Variants in RIPK2 observed in about 807,000 individuals in gnomAD.
The protein encoded by RIPK2 is receptor-interacting serine/threonine-protein kinase 2.
A neutral mutation model predicts 60.9 loss-of-function variants in RIPK2; 38 were observed. The ratio of observed to expected loss-of-function variants is 0.62; its 90% CI spans 0.48 to 0.82. RIPK2 has a LOEUF of 0.82. RIPK2 is among the 40% of genes least tolerant of loss of function. The pLI, the probability that RIPK2 is intolerant of heterozygous loss-of-function variation, is 0.00. For synonymous variants in RIPK2, 225 were observed against 223.4 expected (o/e 1.01, Z -0.06); for missense variants, 518 against 647.0 (o/e 0.80, Z 2.16).
chr8:89,764,654 A>G (rs1013039190), intron 2 of RIPK2, among the ~76,000 whole-genome samples: 1 of 152,152 alleles, frequency 6.6e-6, no homozygotes, highest in African/African-American at 2.4e-5. Context: ...AGTACTATGA[A>G]AAATAAAATG....
At position 89,789,329 on chromosome 8, in the gene RIPK2, C is replaced by G. The variant is rs1809636913; in HGVS notation, c.1132C>G (p.Gln378Glu). 2 of 1,613,348 alleles carry G rather than the reference C, an allele frequency of 1.2e-6. No individual in the cohort carries two copies. Among genetic ancestry groups the G allele is most frequent in the Admixed American group, 3.3e-5 (2 of 59,878 alleles). Reference protein sequence around the residue: ...QDNDFLSRKAQDCYFMKLHHC... With the variant: ...QDNDFLSRKAEDCYFMKLHHC... ...GATGTTGTATTTTGTAGGAAAAGCT[C>G]AAGACTGTTATTTTATGAAGCTGCA... Residue 378 changes from glutamine to glutamate, a missense_variant, in exon 10 of 11, where the codon CAA becomes GAA. Physicochemically the swap from Gln to Glu is conservative, Grantham distance 29. Transcript: ENST00000220751.
intron 5 of RIPK2, 66 bp downstream of exon 5, chr8:89,771,856 T>C: frequency 2.0e-6 from 2 of 992,884 alleles, no homozygotes; most frequent in South Asian, 2.7e-5. Context: ...CAGAACTATC[T>C]AAAAATCATG....
rs1428415792 is a variant in RIPK2, at chr8:89,785,897, C to T, written c.1030-696C>T. Among the ~76,000 whole-genome samples, 3 of 152,040 alleles carry T rather than the reference C, an allele frequency of 2.0e-5. No individual in the cohort carries two copies. The East Asian group carries it at 5.8e-4, about 29-fold the overall frequency. ...GAGTAAAATTCTCCATTACTTTTTC[C>T]ATGTTTTCCTGTGCCTCCATGTGGA... is the stretch of plus-strand genomic sequence containing the variant. On this transcript the variant is annotated intron_variant, in intron 8 of 10. Coordinates refer to ENST00000220751, the MANE Select transcript of RIPK2 (RefSeq NM_003821.6).
chr8:89,768,556 A>G (rs1809265012), intron 3 of RIPK2, among the ~76,000 whole-genome samples: 1 of 151,770 alleles, frequency 6.6e-6, no homozygotes, highest in Non-Finnish European at 1.5e-5. Context: ...AAGTGCTATT[A>G]TACAGCCCAT....
intron 10 of RIPK2, 83 bp downstream of exon 10, chr8:89,789,565 G>T: frequency 7.6e-7 from 1 of 1,324,188 alleles, no homozygotes; most frequent in Non-Finnish European, 1.0e-6. Flanking sequence ...ATACAATGAG[G>T]TTTGTCTTTA....
intron 1 of RIPK2, among the ~76,000 whole-genome samples, chr8:89,761,988 A>C (rs1364751955): frequency 2.0e-5 from 3 of 151,840 alleles, no homozygotes; most frequent in Non-Finnish European, 2.9e-5. Flanking sequence ...TGAGCCCAGG[A>C]GTTTGAGGCC....
At chr8:89,769,734 G>A in intron 3 of RIPK2, 38 bp from the exon 4 acceptor site, 1 of 1,452,308 alleles carries the variant, frequency 6.9e-7, no homozygotes, top group African/African-American at 1.5e-5. Context: ...ACTTTTTAAA[G>A]AGGAAATTTC....
rs746699130 is a variant in RIPK2 at position 89,762,814 on chromosome 8, AT to A, written c.174-6del. ...TTTTTTATTACTTGAATAATTATGC[AT>A]TTTTTTTTCTTAGTGAAAGAAAGGA... is the stretch of plus-strand genomic sequence containing the variant. On this transcript the variant is annotated splice_polypyrimidine_tract_variant and intron_variant, in intron 1 of 10. Coordinates refer to ENST00000220751, the MANE Select transcript of RIPK2 (RefSeq NM_003821.6). The A allele has an allele frequency of 1.9e-4, 240 of 1,266,506 alleles. No individual in the cohort carries two copies. Among genetic ancestry groups the A allele is most frequent in the Admixed American group, 3.6e-4 (14 of 38,826 alleles). The allele number at this position is 1,266,506 out of a possible 1,614,324, so 78.5% of individuals were successfully genotyped here. A position where few individuals can be genotyped will look rare whatever the true frequency, so the allele number is the denominator to read the frequency against.
intron 7 of RIPK2, among the ~76,000 whole-genome samples, chr8:89,783,763 A>G (rs1349977168): frequency 6.6e-6 from 1 of 152,206 alleles, no homozygotes; most frequent in Admixed American, 6.5e-5. Context: ...CTCAATCTCT[A>G]GAACCATCCT....
At chr8:89,759,130 C>T (rs1040610221) in intron 1 of RIPK2, among the ~76,000 whole-genome samples, 6 of 152,158 alleles carry the variant, frequency 3.9e-5, no homozygotes, top group Admixed American at 3.3e-4. Flanking sequence ...ATTTTTGCCA[C>T]AATAAATTGA....
chr8:89,779,578 C>T lies in RIPK2; in HGVS notation c.854-497C>T, dbSNP rs574274737. 3.9e-5 allele frequency among the ~76,000 whole-genome samples: 6 copies of T among 152,148 alleles called. No homozygotes were observed. The South Asian group carries it at 1.2e-3, about 32-fold the overall frequency. ...CTGGTGATCTGTCCGCCTCGGCCTC[C>T]CAAAGTGCTGGGATTACAGGTGTGA... On this transcript the variant is annotated intron_variant, in intron 6 of 10. Coordinates refer to ENST00000220751, the MANE Select transcript of RIPK2 (RefSeq NM_003821.6).
rs1232696204 is a variant in RIPK2 at position 89,758,120 on chromosome 8, C to T, written c.60C>T (p.Asp20=). The T allele has an allele frequency of 1.1e-5, 18 of 1,603,968 alleles. No homozygotes were observed. Among genetic ancestry groups the T allele is most frequent in the Non-Finnish European group, 1.5e-5 (18 of 1,175,888 alleles). ...CCATTCCCTACCACAAACTCGCCGA[C>T]CTGCGCTACCTGAGCCGCGGCGCCT... The part of the protein sequence containing the change: ...LPTIPYHKLA[D]LRYLSRGASG... Residue 20 remains aspartate, a synonymous_variant, in exon 1 of 11, where the codon GAC becomes GAT. Coordinates refer to ENST00000220751, the MANE Select transcript of RIPK2 (RefSeq NM_003821.6).
chr8:89,785,585 A>G (rs1347439174), intron 8 of RIPK2, among the ~76,000 whole-genome samples: 2 of 152,158 alleles, frequency 1.3e-5, no homozygotes, highest in Non-Finnish European at 2.9e-5. Flanking sequence ...ATATCTCGTT[A>G]TATATATACA....
chr8:89,757,824 G>T lies in RIPK2; in HGVS notation c.-237G>T, dbSNP rs544041962. The stretch of plus-strand genomic sequence containing the variant: ...CTGCGAGAGAGGAAGCTCTTTCGCG[G>T]CGCTACGGCGTTGGCACCAGTCTCT... On this transcript the variant is annotated 5_prime_UTR_variant, in exon 1 of 11. Coordinates refer to ENST00000220751, the MANE Select transcript of RIPK2 (RefSeq NM_003821.6). The T allele has an allele frequency of 8.7e-6, 11 of 1,267,864 alleles. No homozygotes were observed. In the South Asian group the frequency reaches 2.5e-4, roughly 29 times the overall value. The allele number at this position is 1,267,864 out of a possible 1,614,324, so 78.5% of individuals were successfully genotyped here. A position where few individuals can be genotyped will look rare whatever the true frequency, so the allele number is the denominator to read the frequency against.
intron 6 of RIPK2, among the ~76,000 whole-genome samples, chr8:89,777,176 C>A (rs981590422): frequency 2.6e-5 from 4 of 152,246 alleles, no homozygotes; most frequent in African/African-American, 9.6e-5. Context: ...TTCAGTGGAG[C>A]ACTGATCAGT....
Position 89,789,424 on chromosome 8 carries a change from C to T in RIPK2, c.1227C>T (p.His409=). 1.2e-6 allele frequency: 2 copies of T among 1,614,044 alleles called. No homozygotes were observed. Among genetic ancestry groups the T allele is most frequent in the South Asian group, 2.2e-5 (2 of 91,080 alleles). ...SGSQRAAFCD[H]KTTPCSSAII... ...CTCAAAGGGCTGCATTCTGTGATCA[C>T]AAGACCACTCCATGCTCTTCAGCAA... is the stretch of plus-strand genomic sequence containing the variant. Residue 409 remains histidine, a synonymous_variant, in exon 10 of 11, where the codon CAC becomes CAT. Coordinates refer to ENST00000220751, the MANE Select transcript of RIPK2 (RefSeq NM_003821.6).
intron 5 of RIPK2, 30 bp downstream of exon 5, chr8:89,771,820 A>G (rs200976196): frequency 2.8e-6 from 4 of 1,418,260 alleles, no homozygotes; most frequent in African/African-American, 2.8e-5. Flanking sequence ...TTTATGCTCA[A>G]TAACATCATG....
rs144286184 is a variant in RIPK2 at position 89,770,437 on chromosome 8, A to G, written c.641+508A>G. 5.1e-3 allele frequency among the ~76,000 whole-genome samples: 769 copies of G among 152,044 alleles called. 3 individuals are homozygous for G. Among genetic ancestry groups the G allele is most frequent in the African/African-American group, 0.017 (723 of 41,556 alleles). On this transcript the variant is annotated intron_variant, in intron 4 of 10. Transcript: ENST00000220751. ...GATCATATTTTCATATTTCAGATGC[A>G]TATTACTTATAATCTCATAATGCAG... is the stretch of plus-strand genomic sequence containing the variant.
chr8:89,765,552 T>TTATTTTAAAAG, intron 3 of RIPK2, 56 bp downstream of exon 3: 1 of 1,214,964 alleles, frequency 8.2e-7, no homozygotes, highest in East Asian at 2.4e-5. Flanking sequence ...TTAAAAATAC[T>TTATTTTAAAAG]TTTTAGTTAT....
Sources: gnomAD v4.1 joint callset for allele counts (sites outside exome capture counted in the v4.1 genomes callset) on GRCh38, gnomAD v4.1.1 for gene constraint, MANE v1.5 for transcripts, NCBI Gene and HGNC (gene_info 2026-07-23, HGNC 2026-07-21) for gene names.